Variants in P2RX7 observed in about 807,000 individuals in gnomAD.
P2RX7 encodes P2X purinoceptor 7.
P2RX7 carries 62 observed loss-of-function variants against 71.6 expected under a neutral mutation model. The ratio of observed to expected loss-of-function variants is 0.87; its 90% CI spans 0.71 to 1.07. The LOEUF (loss-of-function observed/expected upper bound fraction) is 1.07, where lower values mean the gene tolerates loss of function less well. Among genes scored for constraint, P2RX7 ranks in the 50% least tolerant of loss-of-function variants. P2RX7 has a pLI of 0.00. For synonymous variants in P2RX7, 299 were observed against 283.3 expected, an observed-to-expected ratio of 1.06 and a Z score of -0.56; for missense variants, 686 against 748.5, an observed-to-expected ratio of 0.92 and a Z score of 0.97.
At chr12:121,133,887 C>A (rs1872943497) in intron 1 of P2RX7, among the ~76,000 whole-genome samples, 1 of 149,914 alleles carries the variant, frequency 6.7e-6, no homozygotes, top group African/African-American at 2.5e-5. Context: ...GTTGATACTT[C>A]ATTCAATTTT....
chr12:121,165,865 C>G (rs945261765), intron 6 of P2RX7, among the ~76,000 whole-genome samples, 193 bp from the exon 7 acceptor site: 6 of 152,220 alleles, frequency 3.9e-5, no homozygotes, highest in African/African-American at 1.4e-4. Flanking sequence ...CCCAACACTT[C>G]TGCCATATGC....
Position 121,136,023 on chromosome 12 carries a change from A to AAAAAAAAAAAAAAAAAATATATAT in P2RX7, c.125+2929_125+2930insAAAAAAAAAAAAAAAATATATATA. On this transcript the variant is annotated intron_variant, in intron 1 of 12. Transcript: ENST00000328963. ...TGTCTCAAAAAAAAAAAAAAAAAAA[A>AAAAAAAAAAAAAAAAAATATATAT]ATATATATATATATATATAGTATTT... Among the ~76,000 whole-genome samples, 4 of 15,262 alleles carry AAAAAAAAAAAAAAAAAATATATAT rather than the reference A, an allele frequency of 2.6e-4. 1 individual carries two copies. Among genetic ancestry groups the AAAAAAAAAAAAAAAAAATATATAT allele is most frequent in the Non-Finnish European group, 7.3e-4 (4 of 5,448 alleles). The allele number at this position is 15,262 out of a possible 152,430, so 10.0% of individuals were successfully genotyped here.
At chr12:121,148,647 G>A (rs1360016615) in intron 1 of P2RX7, among the ~76,000 whole-genome samples, 1 of 152,184 alleles carries the variant, frequency 6.6e-6, no homozygotes, top group Non-Finnish European at 1.5e-5. Context: ...GTGGTAATTT[G>A]TTAGAGCAAC....
intron 8 of P2RX7, among the ~76,000 whole-genome samples, chr12:121,170,118 A>G (rs144041583): frequency 5.3e-5 from 8 of 152,294 alleles, no homozygotes; most frequent in African/African-American, 1.9e-4. Context: ...CTCTGGATCA[A>G]TGGAATTTCA....
intron 7 of P2RX7, 105 bp from the exon 8 acceptor site, chr12:121,167,383 T>G: frequency 1.5e-6 from 2 of 1,353,082 alleles, no homozygotes; most frequent in Non-Finnish European, 2.1e-6. Context: ...AATCAGCATT[T>G]TTCCTCTAAA....
At chr12:121,170,562 G>A (rs986530596) in intron 8 of P2RX7, among the ~76,000 whole-genome samples, 2 of 152,178 alleles carry the variant, frequency 1.3e-5, no homozygotes, top group Non-Finnish European at 2.9e-5. Context: ...ATCACCTGAG[G>A]TCAGGAGTTC....
chr12:121,166,309 T>G, intron 7 of P2RX7, 122 bp downstream of exon 7: 1 of 1,063,264 alleles, frequency 9.4e-7, no homozygotes, highest in Non-Finnish European at 1.4e-6. Context: ...GAGCATTTAG[T>G]AAATCCACCC....
intron 1 of P2RX7, among the ~76,000 whole-genome samples, chr12:121,151,043 C>T (rs544382336): frequency 6.6e-6 from 1 of 152,240 alleles, no homozygotes; most frequent in East Asian, 1.9e-4. Flanking sequence ...ATCCTTCATC[C>T]CATTCTCTTT....
intron 12 of P2RX7, among the ~76,000 whole-genome samples, chr12:121,181,642 G>A (rs887271603): frequency 2.0e-5 from 3 of 151,984 alleles, no homozygotes; most frequent in Non-Finnish European, 4.4e-5. Flanking sequence ...GATCACCTGA[G>A]GTCAGGAGTT....
At chr12:121,157,456 AC>A (rs1363782395) in intron 3 of P2RX7, among the ~76,000 whole-genome samples, 1 of 151,828 alleles carries the variant, frequency 6.6e-6, no homozygotes, top group Non-Finnish European at 1.5e-5. Flanking sequence ...TGTCCTCATC[AC>A]CCCTTAACTG....
chr12:121,155,998 C>G, intron 2 of P2RX7, 81 bp from the exon 3 acceptor site: 1 of 1,267,340 alleles, frequency 7.9e-7, no homozygotes, highest in Non-Finnish European at 1.1e-6. Context: ...TGGAGAGGTT[C>G]GCCCAGCAAG....
At position 121,185,345 on chromosome 12, in the gene P2RX7, AG is replaced by A. The variant is rs1391542560; in HGVS notation, c.*545del. ...TGTCCCCAGGAAGTTGTGTGACCCT[AG>A]GCCTCTCACCTCTGTGCCTCTGTCT... On this transcript the variant is annotated 3_prime_UTR_variant, in exon 13 of 13. Coordinates refer to ENST00000328963, the MANE Select transcript of P2RX7 (RefSeq NM_002562.6). 6.5e-6 allele frequency: 1 copy of A among 153,684 alleles called. No individual in the cohort carries two copies. The highest frequency in any genetic ancestry group is 1.4e-5 in the Non-Finnish European group (1 of 69,024). 9.5% of individuals were successfully genotyped at this position (153,684 alleles called of 1,614,324 possible).
At chr12:121,151,651 CA>C (rs1232349173) in intron 1 of P2RX7, among the ~76,000 whole-genome samples, 1 of 151,906 alleles carries the variant, frequency 6.6e-6, no homozygotes, top group Non-Finnish European at 1.5e-5. Context: ...TAAAATTAAC[CA>C]CTGTAAACAT....
chr12:121,182,263 C>A (rs184290534), intron 12 of P2RX7, among the ~76,000 whole-genome samples: 13 of 152,142 alleles, frequency 8.5e-5, no homozygotes, highest in Admixed American at 7.9e-4. Context: ...AGGATTTTTA[C>A]ATCTCTTCTT....
intron 12 of P2RX7, among the ~76,000 whole-genome samples, chr12:121,181,179 G>A (rs879914487): frequency 6.6e-5 from 10 of 152,210 alleles, no homozygotes; most frequent in Non-Finnish European, 1.0e-4. Context: ...CGGTATATAC[G>A]CGGTTGAGTG....
intron 7 of P2RX7, among the ~76,000 whole-genome samples, chr12:121,167,016 C>T (rs1359618707): frequency 2.0e-5 from 3 of 149,432 alleles, no homozygotes; most frequent in Non-Finnish European, 4.4e-5. Context: ...CGCACCACTG[C>T]ACTCCAGCCT....
chr12:121,187,950 T>C lies in P2RX7; in HGVS notation c.*3148T>C, dbSNP rs181683362. 6.2e-4 allele frequency: 95 copies of C among 152,296 alleles called. No homozygotes were observed. Among genetic ancestry groups the C allele is most frequent in the African/African-American group, 2.3e-3 (95 of 41,560 alleles). 9.4% of individuals were successfully genotyped at this position (152,296 alleles called of 1,614,324 possible). A position where few individuals can be genotyped will look rare whatever the true frequency, so the allele number is the denominator to read the frequency against. The stretch of plus-strand genomic sequence containing the variant: ...TCTCTTTCTAAAGGGGAGTAACTTT[T>C]TAAACCCTTCCTGATTTTAGCCTGG... On this transcript the variant is annotated 3_prime_UTR_variant, in exon 13 of 13. Transcript: ENST00000328963.
intron 1 of P2RX7, among the ~76,000 whole-genome samples, chr12:121,135,269 C>T (rs945899058): frequency 6.6e-5 from 10 of 151,966 alleles, no homozygotes; most frequent in Middle Eastern, 3.4e-3. Context: ...AACCCGGAGG[C>T]GGAGGTTGCA....
intron 9 of P2RX7, among the ~76,000 whole-genome samples, chr12:121,176,228 AACACACACACACACACACAC>A (rs56222751): frequency 2.8e-5 from 4 of 140,842 alleles, no homozygotes; most frequent in Admixed American, 7.2e-5. Flanking sequence ...CAGCCCCTTC[AACACACACACACACACACAC>A]ACACACACAC....
Sources: allele counts gnomAD v4.1 joint callset (sites outside exome capture counted in the v4.1 genomes callset), GRCh38; gene constraint gnomAD v4.1.1; transcripts MANE v1.5; gene names NCBI Gene and HGNC (gene_info 2026-07-23, HGNC 2026-07-21).